The following ADAMTS17 variants were observed in gnomAD, a reference collection of about 807,000 sequenced individuals.
ADAMTS17 encodes the protein A disintegrin and metalloproteinase with thrombospondin motifs 17.
Under a neutral mutation model 141.5 loss-of-function variants are expected in ADAMTS17, and 113 were observed. The ratio of observed to expected loss-of-function variants is 0.80; its 90% CI spans 0.69 to 0.93. ADAMTS17 has a LOEUF of 0.93. Ranked by LOEUF, ADAMTS17 falls within the 40% of genes least tolerant of loss-of-function variation. ADAMTS17 has a pLI of 0.00. For synonymous variants in ADAMTS17, 768 were observed against 630.6 expected (o/e 1.22, Z -3.27); for missense variants, 1,659 against 1,517.9 (o/e 1.09, Z -1.54).
At chr15:99,991,423 CTCA>C (rs1255850498) in intron 20 of ADAMTS17, among the ~76,000 whole-genome samples, 10 of 152,294 alleles carry the variant, frequency 6.6e-5, no homozygotes, top group Non-Finnish European at 1.5e-4. Context: ...TGAAAAAAAG[CTCA>C]TCATCACTGG....
chr15:100,212,278 G>A (rs1280447814), intron 7 of ADAMTS17, among the ~76,000 whole-genome samples: 1 of 152,140 alleles, frequency 6.6e-6, no homozygotes, highest in African/African-American at 2.4e-5. Context: ...AAGGTAGAGA[G>A]GACTCTGCCC....
chr15:100,185,681 G>C lies in ADAMTS17; in HGVS notation c.1181+13637C>G, dbSNP rs150462075. ...AGCACACCAGTTCAGCTCTGCTGTC[G>C]GGGGCTGCGCAGAGATCCCTCATGC... is the stretch of plus-strand genomic sequence containing the variant. On this transcript the variant is annotated intron_variant, in intron 8 of 21. Coordinates refer to ENST00000268070, the MANE Select transcript of ADAMTS17 (RefSeq NM_139057.4). Among the ~76,000 whole-genome samples the C allele has an allele frequency of 2.2e-3, 335 of 152,248 alleles. 3 individuals carry two copies. The highest frequency in any genetic ancestry group is 7.1e-3 in the African/African-American group (294 of 41,524).
At chr15:100,135,038 C>A (rs1195568087) in intron 10 of ADAMTS17, among the ~76,000 whole-genome samples, 1 of 152,020 alleles carries the variant, frequency 6.6e-6, no homozygotes, top group Admixed American at 6.6e-5. Flanking sequence ...CAAGGCTGAC[C>A]CAGGGGGAGA....
chr15:100,304,902 A>C (rs1199541219), intron 3 of ADAMTS17, among the ~76,000 whole-genome samples: 1 of 152,234 alleles, frequency 6.6e-6, no homozygotes, highest in African/African-American at 2.4e-5. Flanking sequence ...AGATCTTTGT[A>C]ATGATCTACT....
intron 18 of ADAMTS17, among the ~76,000 whole-genome samples, chr15:100,043,311 A>T (rs904643224): frequency 6.6e-6 from 1 of 152,196 alleles, no homozygotes; most frequent in Admixed American, 6.5e-5. Flanking sequence ...TCATTCTTTA[A>T]GTCTGATTCA....
In ADAMTS17 at chr15:99,973,315, G is replaced by A. The variant is rs900062630; in HGVS notation, c.*1087C>T. The A allele has an allele frequency of 6.6e-6, 1 of 152,282 alleles. No individual in the cohort carries two copies. Among genetic ancestry groups the A allele is most frequent in the Non-Finnish European group, 1.5e-5 (1 of 68,136 alleles). 9.4% of individuals were successfully genotyped at this position (152,282 alleles called of 1,614,324 possible). A position where few individuals can be genotyped will look rare whatever the true frequency, so the allele number is the denominator to read the frequency against. On this transcript the variant is annotated 3_prime_UTR_variant, in exon 22 of 22. Transcript: ENST00000268070. ...CCAGCCAGATGGCGTTCCTCCCCTG[G>A]TCCTGGCACATCAGGCTGCTCCGTG...
Position 100,023,192 on chromosome 15 carries a change from CAAAAT to C in ADAMTS17, c.2592-25608_2592-25604del, listed in dbSNP as rs547757375. On this transcript the variant is annotated intron_variant, in intron 18 of 21. Transcript: ENST00000268070. ...TTGTCAACTTTTGTTTTTAGGTGAA[CAAAAT>C]AAAAAAATTTTTTTTTTTTTTGAGA... 3.3e-5 allele frequency among the ~76,000 whole-genome samples: 5 copies of C among 151,670 alleles called. No individual in the cohort carries two copies. In the East Asian group the frequency reaches 9.7e-4, roughly 29 times the overall value.
At chr15:100,084,402 C>T (rs540746021) in intron 15 of ADAMTS17, among the ~76,000 whole-genome samples, 4 of 152,234 alleles carry the variant, frequency 2.6e-5, no homozygotes, top group Non-Finnish European at 5.9e-5. Context: ...CCTCTGTAGA[C>T]TCCACCTCTG....
chr15:100,152,962 A>ATTATTATTTT (rs1210749221), intron 9 of ADAMTS17, among the ~76,000 whole-genome samples, 200 bp from the exon 10 acceptor site: 99,078 of 151,288 alleles, frequency 0.65, 33,841 homozygotes, highest in East Asian at 0.84. Context: ...CCAAATGTGA[A>ATTATTATTTT]TCTTCGCTCT....
chr15:100,291,753 A>G (rs2044631089), intron 3 of ADAMTS17, among the ~76,000 whole-genome samples: 1 of 152,206 alleles, frequency 6.6e-6, no homozygotes, highest in South Asian at 2.1e-4. Flanking sequence ...AAAACCAAAT[A>G]CTGCAAGTTC....
At chr15:100,121,585 T>G (rs1431159788) in intron 12 of ADAMTS17, among the ~76,000 whole-genome samples, 1 of 152,152 alleles carries the variant, frequency 6.6e-6, no homozygotes, top group Non-Finnish European at 1.5e-5. Flanking sequence ...AAGAACTCTA[T>G]ATCCATGTAA....
chr15:99,991,574 G>C (rs575445398), intron 20 of ADAMTS17, among the ~76,000 whole-genome samples: 1 of 152,308 alleles, frequency 6.6e-6, no homozygotes, highest in South Asian at 2.1e-4. Flanking sequence ...CTGTTCATGG[G>C]GAATGTAAAT....
At chr15:100,008,545 G>GCTTGGC (rs2061086903) in intron 18 of ADAMTS17, among the ~76,000 whole-genome samples, 1 of 152,234 alleles carries the variant, frequency 6.6e-6, no homozygotes. Flanking sequence ...TGAGGGGAAG[G>GCTTGGC]CTTGGCCTTG....
At chr15:100,305,131 G>T (rs1304435873) in intron 3 of ADAMTS17, among the ~76,000 whole-genome samples, 1 of 152,228 alleles carries the variant, frequency 6.6e-6, no homozygotes, top group South Asian at 2.1e-4. Context: ...AGGAGCAGAG[G>T]GGGAGGGTCA....
chr15:100,130,699 C>T (rs2037992958), intron 12 of ADAMTS17, among the ~76,000 whole-genome samples: 1 of 152,116 alleles, frequency 6.6e-6, no homozygotes, highest in Non-Finnish European at 1.5e-5. Context: ...TGCTAATTAT[C>T]CATCAACAGG....
Position 100,063,296 on chromosome 15 carries a change from A to C in ADAMTS17, c.2138-9242T>G, listed in dbSNP as rs115001495. 3.1e-3 allele frequency among the ~76,000 whole-genome samples: 468 copies of C among 152,314 alleles called. 7 individuals carry two copies. The East Asian group carries it at 0.046, about 15-fold the overall frequency. Reference sequence around the variant, plus strand: ...TCATCCCCAGAGCCACTGGCAGCCCAATGGGGCTTCCTGCAAGTTGGCCAA... The same window carrying C: ...TCATCCCCAGAGCCACTGGCAGCCCCATGGGGCTTCCTGCAAGTTGGCCAA... On this transcript the variant is annotated intron_variant, in intron 15 of 21. Coordinates refer to ENST00000268070, the MANE Select transcript of ADAMTS17 (RefSeq NM_139057.4).
At chr15:100,119,326 C>G (rs1453844945) in intron 12 of ADAMTS17, among the ~76,000 whole-genome samples, 6 of 152,150 alleles carry the variant, frequency 3.9e-5, no homozygotes, top group Non-Finnish European at 7.3e-5. Flanking sequence ...CCTCGCGGAA[C>G]TTACATGCAG....
chr15:100,107,723 T>G (rs1314156220), intron 14 of ADAMTS17, among the ~76,000 whole-genome samples: 4 of 152,100 alleles, frequency 2.6e-5, no homozygotes, highest in African/African-American at 4.8e-5. Context: ...AGAAACACTG[T>G]CTATGATAAG....
chr15:100,235,239 G>A (rs759139203), intron 7 of ADAMTS17, among the ~76,000 whole-genome samples: 25 of 152,142 alleles, frequency 1.6e-4, no homozygotes, highest in Non-Finnish European at 3.5e-4. Context: ...GAAAAGCCAT[G>A]CGTCATGCTT....
Sources: allele counts gnomAD v4.1 joint callset (sites outside exome capture counted in the v4.1 genomes callset), GRCh38; gene constraint gnomAD v4.1.1; transcripts MANE v1.5; gene names NCBI Gene and HGNC (gene_info 2026-07-23, HGNC 2026-07-21).